LINGO2: variants seen among roughly 807,000 people sequenced by gnomAD.
LINGO2 encodes the protein leucine rich repeat and Ig domain containing 2, also known as leucine-rich repeat and immunoglobulin-like domain-containing nogo receptor-interacting protein 2.
Under a neutral mutation model 30.6 loss-of-function variants are expected in LINGO2, and 14 were observed. That is an observed-to-expected ratio of 0.46 (90% confidence interval 0.30 to 0.72). The LOEUF (loss-of-function observed/expected upper bound fraction) is 0.72, where lower values mean the gene tolerates loss of function less well. Ranked by LOEUF, LINGO2 falls within the 30% of genes least tolerant of loss-of-function variation. LINGO2 has a pLI of 0.07. For missense variants in LINGO2, 729 were observed against 751.7 expected, an observed-to-expected ratio of 0.97 and a Z score of 0.35; for synonymous variants, 317 against 288.5, an observed-to-expected ratio of 1.10 and a Z score of -1.00.
Position 28,147,097 on chromosome 9 carries a change from A to T in LINGO2, c.-86-134692T>A, listed in dbSNP as rs1827835783. Among the ~76,000 whole-genome samples, 1 of 152,236 alleles carries T rather than the reference A, an allele frequency of 6.6e-6. No homozygotes were observed. Among genetic ancestry groups the T allele is most frequent in the African/African-American group, 2.4e-5 (1 of 41,468 alleles). ...ACATCTTTGTAGAGGACTGGAGCCC[A>T]GAGCATGCCATGGTCAACTTGTATG... On this transcript the variant is annotated intron_variant, in intron 4 of 5. Transcript: ENST00000379992. This position sits in a 1 kb window ranked among gnomAD's most constrained non-coding sequence, Gnocchi z 4.7.
intron 1 of LINGO2, among the ~76,000 whole-genome samples, chr9:28,606,865 A>C (rs1825714423): frequency 6.6e-6 from 1 of 152,056 alleles, no homozygotes; most frequent in African/African-American, 2.4e-5. Context: ...TTTTTATCAA[A>C]TTGTACAATT....
the LINGO2 span, among the ~76,000 whole-genome samples, chr9:29,037,816 C>A: frequency 7.9e-5 from 12 of 151,840 alleles, no homozygotes; most frequent in Non-Finnish European, 1.8e-4. Flanking sequence ...AAACCACATA[C>A]TTGATAGAAT....
the LINGO2 span, among the ~76,000 whole-genome samples, chr9:29,200,681 T>C: frequency 6.6e-6 from 1 of 152,134 alleles, no homozygotes; most frequent in African/African-American, 2.4e-5. Flanking sequence ...AAACAAAAGT[T>C]ACATTGCCGT....
At chr9:29,054,174 A>G in the LINGO2 span, among the ~76,000 whole-genome samples, 1 of 152,144 alleles carries the variant, frequency 6.6e-6, no homozygotes. Context: ...TATTTTATGT[A>G]TTTCTAGAAA....
In LINGO2 at chr9:28,295,190, G is replaced by A. The variant is rs1248060702; in HGVS notation, c.-87+18C>T. 1 of 152,504 alleles carries A rather than the reference G, an allele frequency of 6.6e-6. No individual in the cohort carries two copies. The highest frequency in any genetic ancestry group is 1.5e-5 in the Non-Finnish European group (1 of 68,020). 9.4% of individuals were successfully genotyped at this position (152,504 alleles called of 1,614,324 possible). ...TAGAGCAAGTAATAAATGATCAGAT[G>A]TCTCCCTCGAACCTTACCTGGTTTA... On this transcript the variant is annotated intron_variant, in intron 4 of 5. Coordinates refer to ENST00000379992, the Ensembl canonical transcript of LINGO2.
intron 5 of LINGO2, among the ~76,000 whole-genome samples, chr9:27,993,755 T>C (rs958118884): frequency 1.3e-5 from 2 of 152,110 alleles, no homozygotes. Flanking sequence ...TCTTACATTT[T>C]AACATTTACC....
At chr9:28,257,994 C>A (rs558137453) in intron 4 of LINGO2, among the ~76,000 whole-genome samples, 10 of 151,956 alleles carry the variant, frequency 6.6e-5, no homozygotes, top group Admixed American at 1.3e-4. Flanking sequence ...GGTAAGCAAC[C>A]AAAGCAATAC....
intron 4 of LINGO2, among the ~76,000 whole-genome samples, chr9:28,058,529 A>AT (rs1187314295): frequency 6.6e-6 from 1 of 152,326 alleles, no homozygotes; most frequent in Non-Finnish European, 1.5e-5. Flanking sequence ...CACTAAATAA[A>AT]TGTTATGAAG....
chr9:28,564,860 C>T (rs112222687), intron 1 of LINGO2, among the ~76,000 whole-genome samples: 9,819 of 152,080 alleles, frequency 0.065, 459 homozygotes, highest in African/African-American at 0.13. Context: ...CTAGTGGCTA[C>T]GGTATTGGAC....
chr9:28,998,354 G>T, the LINGO2 span, among the ~76,000 whole-genome samples: 1 of 152,136 alleles, frequency 6.6e-6, no homozygotes, highest in African/African-American at 2.4e-5. Flanking sequence ...TTAGGAGAGT[G>T]AAGTTGAGAT....
chr9:28,995,352 T>A, the LINGO2 span, among the ~76,000 whole-genome samples: 2 of 152,156 alleles, frequency 1.3e-5, no homozygotes, highest in Admixed American at 6.5e-5. Flanking sequence ...ATGGTGATCA[T>A]TAAAAAGTCA....
chr9:28,850,845 CAG>C, the LINGO2 span, among the ~76,000 whole-genome samples: 1 of 151,936 alleles, frequency 6.6e-6, no homozygotes, highest in Non-Finnish European at 1.5e-5. Context: ...GAACACTGAT[CAG>C]AGAGGAAATT....
intron 1 of LINGO2, among the ~76,000 whole-genome samples, chr9:28,492,396 A>G (rs1452527161): frequency 6.6e-6 from 1 of 152,190 alleles, no homozygotes; most frequent in Non-Finnish European, 1.5e-5. Context: ...GCGAATTTTT[A>G]GGAAGAATCC....
the LINGO2 span, among the ~76,000 whole-genome samples, chr9:28,989,022 A>T: frequency 2.0e-5 from 3 of 152,150 alleles, no homozygotes; most frequent in Non-Finnish European, 4.4e-5. Flanking sequence ...CTTTAATTAT[A>T]TATTTTTAAA....
At chr9:28,917,463 T>C in the LINGO2 span, among the ~76,000 whole-genome samples, 2 of 152,034 alleles carry the variant, frequency 1.3e-5, no homozygotes, top group Non-Finnish European at 2.9e-5. Context: ...TTTTTTTTCT[T>C]TTTGGTGAGA....
the LINGO2 span, among the ~76,000 whole-genome samples, chr9:29,078,572 T>C: frequency 1.3e-5 from 2 of 151,960 alleles, no homozygotes; most frequent in Non-Finnish European, 2.9e-5. Flanking sequence ...TTTCGGGAAA[T>C]AAGAGTACAG....
chr9:27,977,479 ACGACG>A (rs1326252375), intron 5 of LINGO2, among the ~76,000 whole-genome samples: 7 of 151,982 alleles, frequency 4.6e-5, no homozygotes, highest in Non-Finnish European at 1.0e-4. Flanking sequence ...TCTCCAGATT[ACGACG>A]ACTCCCTGAC....
chr9:29,056,676 G>C, the LINGO2 span, among the ~76,000 whole-genome samples: 1 of 152,118 alleles, frequency 6.6e-6, no homozygotes, highest in Non-Finnish European at 1.5e-5. Flanking sequence ...ACAATGTCTA[G>C]AAGGGTTTTT....
chr9:28,996,909 G>A, the LINGO2 span, among the ~76,000 whole-genome samples: 1 of 152,108 alleles, frequency 6.6e-6, no homozygotes, highest in Non-Finnish European at 1.5e-5. Context: ...TAAGTTTACT[G>A]AGTCACTAAA....
Sources: gnomAD v4.1 joint callset for allele counts (sites outside exome capture counted in the v4.1 genomes callset) on GRCh38, gnomAD v4.1.1 for gene constraint, Gnocchi (gnomAD v3.1) non-coding constraint, MANE v1.5 for transcripts, NCBI Gene and HGNC (gene_info 2026-07-23, HGNC 2026-07-21) for gene names.